TRPM2: variants seen among roughly 807,000 people sequenced by gnomAD.
The protein encoded by TRPM2 is transient receptor potential cation channel subfamily M member 2, also known as estrogen-responsive element-associated gene 1 protein.
In TRPM2, 161 loss-of-function variants were observed where a neutral mutation model predicts 174.0. That is an observed-to-expected ratio of 0.93 (90% CI 0.81 to 1.05). The LOEUF (loss-of-function observed/expected upper bound fraction) is 1.05. Ranked by LOEUF, TRPM2 falls within the 50% of genes least tolerant of loss-of-function variation. TRPM2 has a pLI of 0.00. For missense variants in TRPM2, 2,057 were observed against 2,038.0 expected (o/e 1.01, Z -0.18); for synonymous variants, 954 against 861.3 (o/e 1.11, Z -1.88).
chr21:44,354,438 G>A lies in TRPM2; in HGVS notation c.166-210G>A, dbSNP rs1181894365. Among the ~76,000 whole-genome samples the A allele has an allele frequency of 1.3e-5, 2 of 152,146 alleles. No individual in the cohort carries two copies. The highest frequency in any genetic ancestry group is 4.8e-5 in the African/African-American group (2 of 41,422). On this transcript the variant is annotated intron_variant, in intron 1 of 31. Coordinates refer to ENST00000397928, the MANE Select transcript of TRPM2 (RefSeq NM_003307.4). The surrounding 1 kb of genome is among the most constrained non-coding windows in gnomAD (Gnocchi z 4.3). ...CGCACATTCAAAATGGTCCCAAGAG[G>A]AAATGATTTCTTAGATTCATTCCTC...
intron 22 of TRPM2, chr21:44,423,360 C>T (rs1205869525): frequency 4.6e-6 from 2 of 436,532 alleles, no homozygotes; most frequent in Non-Finnish European, 8.5e-6. Context: ...ACCTGGCCCT[C>T]CCTCAGTTCA....
intron 22 of TRPM2, among the ~76,000 whole-genome samples, chr21:44,420,611 T>C (rs13052460): frequency 0.97 from 147,559 of 152,316 alleles, 71,612 homozygotes; most frequent in Non-Finnish European, 1. Flanking sequence ...TACTTGCTGT[T>C]GCCAAGTACA....
At chr21:44,437,317 C>T (rs775347016) in intron 29 of TRPM2, 150 bp downstream of exon 29, 29 of 642,186 alleles carry the variant, frequency 4.5e-5, no homozygotes, top group Non-Finnish European at 7.3e-5. Context: ...CCTGTTTTGT[C>T]TGTAGAAGAC....
Position 44,430,658 on chromosome 21 carries a change from T to C in TRPM2, c.3974+3547T>C. On this transcript the variant is annotated intron_variant, in intron 27 of 31. Coordinates refer to ENST00000397928, the MANE Select transcript of TRPM2 (RefSeq NM_003307.4). ...GTTAGCCAGGATGGTCTCGATCTTCTGACCTCATGATCCACCCGCCTCGGC... is the reference window on the plus strand; with the variant it reads ...GTTAGCCAGGATGGTCTCGATCTTCCGACCTCATGATCCACCCGCCTCGGC... Among the ~76,000 whole-genome samples, 2 of 8,896 alleles carry C rather than the reference T, an allele frequency of 2.2e-4. 1 individual carries two copies. The highest frequency in any genetic ancestry group is 1.9e-3 in the Admixed American group (2 of 1,050). 5.8% of individuals were successfully genotyped at this position (8,896 alleles called of 152,430 possible).
At chr21:44,369,453 G>A (rs1377896469) in intron 5 of TRPM2, 110 bp downstream of exon 5, 5 of 1,287,086 alleles carry the variant, frequency 3.9e-6, no homozygotes, top group Non-Finnish European at 5.1e-6. Context: ...TGTGGGTGAC[G>A]TCTGACCGGG....
At chr21:44,425,113 C>A in intron 24 of TRPM2, 174 bp downstream of exon 24, 1 of 618,780 alleles carries the variant, frequency 1.6e-6, no homozygotes, top group East Asian at 2.9e-5. Context: ...CACCCACCGA[C>A]GCTGGCGCCG....
intron 22 of TRPM2, among the ~76,000 whole-genome samples, chr21:44,418,780 G>A (rs148493073): frequency 7.2e-5 from 11 of 152,256 alleles, no homozygotes; most frequent in African/African-American, 2.2e-4. Flanking sequence ...CCCACAGGGC[G>A]CAGGGTCAGA....
Position 44,403,893 on chromosome 21 carries a change from T to C in TRPM2, c.2539-1249T>C, listed in dbSNP as rs11910947. Among the ~76,000 whole-genome samples, 4 of 148,602 alleles carry C rather than the reference T, an allele frequency of 2.7e-5. No individual in the cohort carries two copies. In the East Asian group the frequency reaches 8.1e-4, roughly 30 times the overall value. ...ACACATACATACACATGCACATACA[T>C]ATACAGCACACACATGCATACACAC... is the stretch of plus-strand genomic sequence containing the variant. On this transcript the variant is annotated intron_variant, in intron 16 of 31. Transcript: ENST00000397928.
At position 44,369,171 on chromosome 21, in the gene TRPM2, C is replaced by CCT; in HGVS notation, c.605-5_605-4insTC. On this transcript the variant is annotated splice_region_variant and splice_polypyrimidine_tract_variant and intron_variant, in intron 4 of 31. Transcript: ENST00000397928. ...TGGGGCCTGCCCACCCGTGCTCCTT[C>CCT]CCCAGGGGCCTGGATCATCACAGGG... is the stretch of plus-strand genomic sequence containing the variant. 1 of 1,599,148 alleles carries CCT rather than the reference C, an allele frequency of 6.3e-7. No individual in the cohort carries two copies. The highest frequency in any genetic ancestry group is 8.5e-7 in the Non-Finnish European group (1 of 1,171,978).
intron 9 of TRPM2, among the ~76,000 whole-genome samples, chr21:44,384,797 A>T (rs773791308): frequency 4.6e-5 from 7 of 152,222 alleles, no homozygotes; most frequent in African/African-American, 1.2e-4. Context: ...AAGGAGACTG[A>T]ATCAGTAATA....
chr21:44,413,290 G>A (rs976862172), intron 19 of TRPM2, among the ~76,000 whole-genome samples: 1 of 146,016 alleles, frequency 6.8e-6, no homozygotes, highest in Non-Finnish European at 1.5e-5. Flanking sequence ...CCAGGCTGGA[G>A]TGCAATGAGG....
rs1297489299 is a variant in TRPM2, at chr21:44,405,953, C to T, written c.2706C>T (p.Asp902=). The change falls in exon 18 of 32, where the codon GAC becomes GAT. Residue 902 remains aspartate (D), a synonymous_variant. Transcript: ENST00000397928. ...CCGGGCGCGTCATCCTCTCTCTGGACTTCATCCTGTTCTGCCTCCGGCTCA... is the reference window on the plus strand; with the variant it reads ...CCGGGCGCGTCATCCTCTCTCTGGATTTCATCCTGTTCTGCCTCCGGCTCA... The part of the protein sequence containing the change: ...LYPGRVILSL[D]FILFCLRLMH... 3 of 1,608,258 alleles carry T rather than the reference C, an allele frequency of 1.9e-6. No individual in the cohort carries two copies. The highest frequency in any genetic ancestry group is 2.5e-6 in the Non-Finnish European group (3 of 1,179,762).
intron 22 of TRPM2, among the ~76,000 whole-genome samples, chr21:44,421,423 G>T (rs530205722): frequency 2.4e-4 from 37 of 152,274 alleles, no homozygotes; most frequent in African/African-American, 8.7e-4. Context: ...TAGGTGCTCA[G>T]TGGAAGTTGG....
At chr21:44,360,856 C>T (rs576050256) in intron 2 of TRPM2, among the ~76,000 whole-genome samples, 5 of 152,156 alleles carry the variant, frequency 3.3e-5, no homozygotes, top group East Asian at 1.9e-4. Flanking sequence ...TGTGAGCCAC[C>T]GCTCTTGGCC....
At chr21:44,353,991 C>T (rs2047985730) in intron 1 of TRPM2, 126 bp downstream of exon 1, 2 of 1,158,064 alleles carry the variant, frequency 1.7e-6, no homozygotes, top group Admixed American at 3.4e-5. Flanking sequence ...GGCTCCTGCC[C>T]AACCATACCT....
intron 15 of TRPM2, among the ~76,000 whole-genome samples, chr21:44,400,733 G>A (rs1485022879): frequency 9.2e-6 from 1 of 108,844 alleles, no homozygotes; most frequent in Non-Finnish European, 2.3e-5. Context: ...TGCGAGCAGC[G>A]AGCTGCGGCT....
chr21:44,388,410 G>A (rs924183503), intron 9 of TRPM2, among the ~76,000 whole-genome samples: 3 of 152,082 alleles, frequency 2.0e-5, no homozygotes, highest in Non-Finnish European at 4.4e-5. Flanking sequence ...GGGGAGAGGT[G>A]AATGAGGAGT....
At chr21:44,363,578 C>T (rs2048276364) in intron 2 of TRPM2, among the ~76,000 whole-genome samples, 1 of 152,088 alleles carries the variant, frequency 6.6e-6, no homozygotes, top group Admixed American at 6.5e-5. Flanking sequence ...TTGTTTTGAG[C>T]ATGTTCATGA....
At chr21:44,360,037 T>A (rs1307186499) in intron 2 of TRPM2, among the ~76,000 whole-genome samples, 1 of 152,114 alleles carries the variant, frequency 6.6e-6, no homozygotes. Flanking sequence ...TGAGGCACCA[T>A]GCCCAGCCTC....
Sources: gnomAD v4.1 joint callset for allele counts (sites outside exome capture counted in the v4.1 genomes callset) on GRCh38, gnomAD v4.1.1 for gene constraint, Gnocchi (gnomAD v3.1) non-coding constraint, MANE v1.5 for transcripts, NCBI Gene and HGNC (gene_info 2026-07-23, HGNC 2026-07-21) for gene names.